Variants in STPG2 observed in about 807,000 individuals in gnomAD.
STPG2 encodes sperm tail PG-rich repeat containing 2.
Under a neutral mutation model 54.2 loss-of-function variants are expected in STPG2, and 56 were observed. The observed-to-expected ratio is 1.03, with a 90% CI of 0.83 to 1.29. The LOEUF (loss-of-function observed/expected upper bound fraction) is 1.29. Ranked by LOEUF, STPG2 falls within the 50% of genes most tolerant of loss-of-function variation. The pLI is 0.00. For missense variants in STPG2, 596 were observed against 544.9 expected, an observed-to-expected ratio of 1.09 and a Z score of -0.93; for synonymous variants, 200 against 181.8, an observed-to-expected ratio of 1.10 and a Z score of -0.81.
rs554163741 is a variant in STPG2 at position 97,849,148 on chromosome 4, C to T, written c.1045-8216G>A. Among the ~76,000 whole-genome samples the T allele has an allele frequency of 3.4e-4, 50 of 149,230 alleles. No individual in the cohort carries two copies. In the South Asian group the frequency reaches 0.01, roughly 31 times the overall value. On this transcript the variant is annotated intron_variant, in intron 8 of 10. Transcript: ENST00000295268. ...TACCCATGAGCATGGAATGTTCTTC[C>T]ATTTGTTTGTATCCTCTTTTATTTC...
At chr4:97,988,360 A>G (rs967356599) in intron 5 of STPG2, among the ~76,000 whole-genome samples, 1 of 152,144 alleles carries the variant, frequency 6.6e-6, no homozygotes, top group Non-Finnish European at 1.5e-5. Flanking sequence ...TATCCAAAAT[A>G]AAATTTTCTG....
intron 9 of STPG2, among the ~76,000 whole-genome samples, chr4:97,820,816 A>C (rs1296475575): frequency 6.6e-6 from 1 of 152,036 alleles, no homozygotes; most frequent in African/African-American, 2.4e-5. Context: ...AAAAAACCAG[A>C]TCTCATGAGA....
At chr4:97,984,806 G>A (rs1023636895) in intron 5 of STPG2, among the ~76,000 whole-genome samples, 37 of 19,460 alleles carry the variant, frequency 1.9e-3, no homozygotes, top group African/African-American at 5.9e-3. Flanking sequence ...CTGATTACCC[G>A]CAACAGTGGC....
chr4:97,713,622 C>T (rs1428634478), intron 9 of STPG2, among the ~76,000 whole-genome samples: 4 of 152,158 alleles, frequency 2.6e-5, no homozygotes, highest in Non-Finnish European at 5.9e-5. Context: ...TTCAGGATAG[C>T]GTTCGAGCTC....
chr4:97,708,052 C>T (rs1307059658), intron 10 of STPG2, among the ~76,000 whole-genome samples: 1 of 152,008 alleles, frequency 6.6e-6, no homozygotes, highest in East Asian at 1.9e-4. Flanking sequence ...TTTCTACTCT[C>T]TTAAATGTAT....
chr4:97,640,642 TA>T (rs1276497262), intron 10 of STPG2, among the ~76,000 whole-genome samples: 1 of 150,984 alleles, frequency 6.6e-6, no homozygotes, highest in Non-Finnish European at 1.5e-5. Flanking sequence ...ACTTAGAAAA[TA>T]AAAGAGCCAA....
At chr4:98,113,811 C>A in intron 3 of STPG2, among the ~76,000 whole-genome samples, 1 of 151,812 alleles carries the variant, frequency 6.6e-6, no homozygotes. Flanking sequence ...CAAATCTCTG[C>A]AACACATAGG....
chr4:97,903,895 C>T (rs993489456), intron 8 of STPG2, among the ~76,000 whole-genome samples: 2 of 152,218 alleles, frequency 1.3e-5, no homozygotes, highest in Non-Finnish European at 2.9e-5. Flanking sequence ...TTCCAACGGG[C>T]TTAAAAAATG....
At chr4:98,093,903 CTAG>C (rs1272734479) in intron 5 of STPG2, among the ~76,000 whole-genome samples, 2 of 152,220 alleles carry the variant, frequency 1.3e-5, no homozygotes, top group African/African-American at 4.8e-5. Flanking sequence ...GTGGTTGGAA[CTAG>C]AGTTTCTCAG....
intron 3 of STPG2, among the ~76,000 whole-genome samples, chr4:98,125,593 C>T (rs1248510927): frequency 1.3e-5 from 2 of 152,130 alleles, no homozygotes; most frequent in Non-Finnish European, 2.9e-5. Flanking sequence ...CTGGAACACT[C>T]CTGTATGAGG....
At chr4:97,939,368 AT>A (rs1732889187) in intron 8 of STPG2, among the ~76,000 whole-genome samples, 2 of 151,972 alleles carry the variant, frequency 1.3e-5, no homozygotes, top group South Asian at 2.1e-4. Flanking sequence ...ATCTTTGTTA[AT>A]TTTCTGACTC....
At chr4:97,690,993 C>T (rs1056377301) in intron 10 of STPG2, among the ~76,000 whole-genome samples, 2 of 152,152 alleles carry the variant, frequency 1.3e-5, no homozygotes, top group Non-Finnish European at 2.9e-5. Flanking sequence ...ACCCGAGTGT[C>T]AATATCCTGT....
intron 5 of STPG2, among the ~76,000 whole-genome samples, chr4:98,091,157 T>G (rs951370705): frequency 1.3e-5 from 2 of 152,036 alleles, no homozygotes; most frequent in African/African-American, 4.8e-5. Context: ...ACCTAAGTAT[T>G]TGTACTTTCC....
intron 5 of STPG2, among the ~76,000 whole-genome samples, chr4:98,077,404 G>A (rs983399063): frequency 4.6e-5 from 7 of 152,044 alleles, no homozygotes; most frequent in South Asian, 4.1e-4. Flanking sequence ...CACCACGCCC[G>A]CCTAATTTTT....
intron 4 of STPG2, among the ~76,000 whole-genome samples, chr4:97,449,330 C>A (rs1050910303): frequency 6.6e-6 from 1 of 152,124 alleles, no homozygotes; most frequent in Non-Finnish European, 1.5e-5. Flanking sequence ...ATCCTTTCAA[C>A]AAATGTTTGT....
chr4:97,691,756 C>T lies in STPG2; in HGVS notation c.1320+20943G>A, dbSNP rs575552656. ...GGCAAAACGATACAAAACCAGTCCA[C>T]GTAACAAGGTTTAAGGACCCTCCCT... is the stretch of plus-strand genomic sequence containing the variant. On this transcript the variant is annotated intron_variant, in intron 10 of 10. Transcript: ENST00000295268. 1.1e-4 allele frequency among the ~76,000 whole-genome samples: 17 copies of T among 152,256 alleles called. No individual in the cohort carries two copies. In the South Asian group the frequency reaches 2.1e-3, roughly 19 times the overall value.
intron 4 of STPG2, among the ~76,000 whole-genome samples, chr4:97,517,732 G>T (rs1174318415): frequency 6.6e-6 from 1 of 151,706 alleles, no homozygotes; most frequent in Non-Finnish European, 1.5e-5. Context: ...AAAAGCTATT[G>T]ATTTGACAAA....
At chr4:97,561,412 A>T (rs923329710) in intron 10 of STPG2, among the ~76,000 whole-genome samples, 2 of 152,062 alleles carry the variant, frequency 1.3e-5, no homozygotes, top group Non-Finnish European at 2.9e-5. Context: ...GTTCACTCTG[A>T]TGGTAGTTTC....
chr4:97,566,697 C>T (rs1334167134), intron 10 of STPG2, among the ~76,000 whole-genome samples: 2 of 152,098 alleles, frequency 1.3e-5, no homozygotes, highest in South Asian at 4.1e-4. Context: ...GAATACTATG[C>T]AGCCATAAAA....
Sources: allele counts gnomAD v4.1 joint callset (sites outside exome capture counted in the v4.1 genomes callset), GRCh38; gene constraint gnomAD v4.1.1; transcripts MANE v1.5; gene names NCBI Gene and HGNC (gene_info 2026-07-23, HGNC 2026-07-21).